DIP2C: variants seen among roughly 807,000 people sequenced by gnomAD.
DIP2C encodes the protein disco-interacting protein 2 homolog C.
In DIP2C, 33 loss-of-function variants were observed where a neutral mutation model predicts 192.4. The ratio of observed to expected loss-of-function variants is 0.17; its 90% CI spans 0.13 to 0.23. The LOEUF (loss-of-function observed/expected upper bound fraction) is 0.23. Among genes scored for constraint, DIP2C ranks in the 10% least tolerant of loss-of-function variants. The probability of loss-of-function intolerance (pLI) is 1.00; values close to 1 mark genes in which losing one functional copy is unlikely to be tolerated. For synonymous variants in DIP2C, 979 were observed against 864.1 expected, an observed-to-expected ratio of 1.13 and a Z score of -2.33; for missense variants, 1,537 against 2,110.1, an observed-to-expected ratio of 0.73 and a Z score of 5.32.
chr10:420,468 G>T (rs1161629856), intron 5 of DIP2C, among the ~76,000 whole-genome samples: 1 of 152,208 alleles, frequency 6.6e-6, no homozygotes, highest in African/African-American at 2.4e-5. Context: ...CATTCCACCT[G>T]GAGGCAGGCA....
chr10:540,241 A>G (rs1468269207), intron 1 of DIP2C, among the ~76,000 whole-genome samples: 1 of 152,254 alleles, frequency 6.6e-6, no homozygotes. Context: ...GTAACCGCCA[A>G]AGCTTATGTA....
At chr10:514,468 C>A (rs553342683) in intron 1 of DIP2C, among the ~76,000 whole-genome samples, 1 of 152,190 alleles carries the variant, frequency 6.6e-6, no homozygotes. Flanking sequence ...TGCAACCCTG[C>A]AGGGCCGTTC....
In DIP2C at chr10:426,296, A is replaced by C. The variant is rs1966594926; in HGVS notation, c.395-3263T>G. On this transcript the variant is annotated intron_variant, in intron 4 of 36. Coordinates refer to ENST00000280886, the MANE Select transcript of DIP2C (RefSeq NM_014974.3). Reference sequence around the variant, plus strand: ...GCCAAACTTCTAACAAAAAGGTACAAAATGTGTACACTGACAACTATAAAA... The same window carrying C: ...GCCAAACTTCTAACAAAAAGGTACACAATGTGTACACTGACAACTATAAAA... Among the ~76,000 whole-genome samples, 3 of 152,206 alleles carry C rather than the reference A, an allele frequency of 2.0e-5. No homozygotes were observed. In the South Asian group the frequency reaches 6.2e-4, roughly 31 times the overall value.
chr10:353,702 G>GACT (rs1421841464), intron 24 of DIP2C, among the ~76,000 whole-genome samples: 1 of 152,148 alleles, frequency 6.6e-6, no homozygotes, highest in Non-Finnish European at 1.5e-5. Flanking sequence ...ATGAGCTTGT[G>GACT]ACTACACGGC....
intron 31 of DIP2C, among the ~76,000 whole-genome samples, chr10:319,497 G>T (rs1956915465): frequency 1.3e-5 from 2 of 152,240 alleles, no homozygotes; most frequent in South Asian, 4.2e-4. Context: ...ACTAGAAGGA[G>T]GATGCAATTT....
At chr10:681,042 G>A (rs7093991) in intron 1 of DIP2C, among the ~76,000 whole-genome samples, 6,030 of 150,678 alleles carry the variant, frequency 0.04, 347 homozygotes, top group African/African-American at 0.13. Context: ...TACAGCTACC[G>A]CCTGTGGCCA....
At chr10:592,197 A>T (rs1044537933) in intron 1 of DIP2C, among the ~76,000 whole-genome samples, 6 of 152,222 alleles carry the variant, frequency 3.9e-5, no homozygotes, top group African/African-American at 1.4e-4. Flanking sequence ...AAGTGTAATA[A>T]TCGGAGGACC....
chr10:557,199 C>T (rs1344771762), intron 1 of DIP2C, among the ~76,000 whole-genome samples: 2 of 152,202 alleles, frequency 1.3e-5, no homozygotes, highest in East Asian at 1.9e-4. Flanking sequence ...ACAGAGGGAC[C>T]GGTGTGGAGG....
At chr10:522,042 G>A (rs948043404) in intron 1 of DIP2C, among the ~76,000 whole-genome samples, 12 of 151,830 alleles carry the variant, frequency 7.9e-5, no homozygotes, top group East Asian at 3.9e-4. Context: ...AGCCCCACAC[G>A]GAGTTGCTTC....
At chr10:464,600 A>G (rs2133395950) in intron 3 of DIP2C, among the ~76,000 whole-genome samples, 1 of 152,338 alleles carries the variant, frequency 6.6e-6, no homozygotes, top group Admixed American at 6.5e-5. Context: ...AACCAGAAAT[A>G]CCATTTGATC....
At chr10:382,368 G>C (rs1297795361) in intron 17 of DIP2C, among the ~76,000 whole-genome samples, 1 of 152,160 alleles carries the variant, frequency 6.6e-6, no homozygotes, top group African/African-American at 2.4e-5. Flanking sequence ...TAAATTCCAA[G>C]GACACGGTAT....
At chr10:384,271 C>CTTTTTTT (rs35461394) in intron 15 of DIP2C, 125 bp from the exon 16 acceptor site, 17 of 301,924 alleles carry the variant, frequency 5.6e-5, no homozygotes, top group African/African-American at 2.0e-4. Flanking sequence ...CCCCACAAAC[C>CTTTTTTT]TTTTTTTTTT....
At chr10:351,780 C>A (rs60210808) in intron 24 of DIP2C, among the ~76,000 whole-genome samples, 4 of 152,160 alleles carry the variant, frequency 2.6e-5, no homozygotes, top group East Asian at 1.9e-4. Context: ...CTTAGAGGGG[C>A]TCCTTGCCAC....
At chr10:687,614 A>T (rs1831381995) in intron 1 of DIP2C, among the ~76,000 whole-genome samples, 1 of 152,212 alleles carries the variant, frequency 6.6e-6, no homozygotes, top group African/African-American at 2.4e-5. Flanking sequence ...CTTTTTAAAA[A>T]ACCTGTACAG....
intron 1 of DIP2C, among the ~76,000 whole-genome samples, chr10:573,874 A>G (rs1358854752): frequency 1.3e-5 from 2 of 152,226 alleles, no homozygotes; most frequent in East Asian, 3.8e-4. Context: ...TTATTCACAG[A>G]AGCAGCATTC....
intron 1 of DIP2C, among the ~76,000 whole-genome samples, chr10:617,388 A>C (rs1853542544): frequency 6.6e-6 from 1 of 152,170 alleles, no homozygotes; most frequent in Non-Finnish European, 1.5e-5. Flanking sequence ...GGGAATGGTA[A>C]CTGAACCCAC....
chr10:464,027 A>G (rs1040170335), intron 3 of DIP2C, among the ~76,000 whole-genome samples: 5 of 152,232 alleles, frequency 3.3e-5, no homozygotes, highest in African/African-American at 9.6e-5. Context: ...CGTAAGACGT[A>G]AAACCATAAA....
At chr10:511,896 ATC>A (rs1738969182) in intron 1 of DIP2C, among the ~76,000 whole-genome samples, 1 of 152,228 alleles carries the variant, frequency 6.6e-6, no homozygotes, top group Admixed American at 6.5e-5. Context: ...CACCGTGTAT[ATC>A]TGTCCTTTAC....
intron 24 of DIP2C, among the ~76,000 whole-genome samples, chr10:351,096 G>A (rs991249933): frequency 2.6e-5 from 4 of 152,186 alleles, no homozygotes; most frequent in African/African-American, 9.7e-5. Context: ...GGCTGTCGGG[G>A]ACCAGACACT....
Sources: gnomAD v4.1 joint callset for allele counts (sites outside exome capture counted in the v4.1 genomes callset) on GRCh38, gnomAD v4.1.1 for gene constraint, MANE v1.5 for transcripts, NCBI Gene and HGNC (gene_info 2026-07-23, HGNC 2026-07-21) for gene names.